Variants in RAI1 observed in about 807,000 individuals in gnomAD.
The protein encoded by RAI1 is retinoic acid induced 1.
Under a neutral mutation model 123.8 loss-of-function variants are expected in RAI1, and 9 were observed. That is an observed-to-expected ratio of 0.07 (90% CI 0.04 to 0.13). The LOEUF (loss-of-function observed/expected upper bound fraction) is 0.13. RAI1 is among the 10% of genes least tolerant of loss of function. The pLI is 1.00. For missense variants in RAI1, 2,256 were observed against 2,545.8 expected, an observed-to-expected ratio of 0.89 and a Z score of 2.45; for synonymous variants, 1,231 against 1,127.3, an observed-to-expected ratio of 1.09 and a Z score of -1.84.
chr17:17,805,097 G>C (rs996059024), intron 4 of RAI1, among the ~76,000 whole-genome samples: 1 of 152,066 alleles, frequency 6.6e-6, no homozygotes, highest in Non-Finnish European at 1.5e-5. Flanking sequence ...TCTTGACCTC[G>C]TGATCCGCCC....
At chr17:17,682,183 G>T (rs998500158) in intron 1 of RAI1, among the ~76,000 whole-genome samples, 1 of 151,976 alleles carries the variant, frequency 6.6e-6, no homozygotes, top group African/African-American at 2.4e-5. Context: ...GCGGGGCGCC[G>T]GGGGCGGAGG....
chr17:17,694,472 GCCT>G (rs1468460733), intron 1 of RAI1, among the ~76,000 whole-genome samples: 2 of 152,222 alleles, frequency 1.3e-5, no homozygotes, highest in African/African-American at 4.8e-5. Context: ...GAGGGCCCGG[GCCT>G]CGAGGAAAGG....
intron 2 of RAI1, chr17:17,776,877 C>G (rs576076429): frequency 1.3e-5 from 2 of 152,018 alleles, no homozygotes; most frequent in African/African-American, 4.8e-5. Context: ...GTTACCCAGG[C>G]TGGTCTCAAA....
At chr17:17,774,785 G>A (rs2031279186) in intron 2 of RAI1, among the ~76,000 whole-genome samples, 1 of 152,224 alleles carries the variant, frequency 6.6e-6, no homozygotes, top group African/African-American at 2.4e-5. Flanking sequence ...CCCAGCATTG[G>A]TCTGGCAGCT....
intron 2 of RAI1, among the ~76,000 whole-genome samples, chr17:17,791,464 T>G (rs1287882182): frequency 6.6e-6 from 1 of 152,062 alleles, no homozygotes; most frequent in Non-Finnish European, 1.5e-5. Context: ...TCCCTCTCTG[T>G]GCCCCTCTCC....
chr17:17,778,342 A>T (rs2031428041), intron 2 of RAI1: 1 of 232,506 alleles, frequency 4.3e-6, no homozygotes, highest in Non-Finnish European at 8.6e-6. Context: ...GCTCCCCATG[A>T]ACTGGTGGCC....
rs534277793 is a variant in RAI1, at chr17:17,761,322, G to A, written c.-16-31611G>A. Among the ~76,000 whole-genome samples, 67 of 151,870 alleles carry A rather than the reference G, an allele frequency of 4.4e-4. 3 individuals are homozygous for A. In the East Asian group the frequency reaches 0.012, roughly 26 times the overall value. On this transcript the variant is annotated intron_variant, in intron 2 of 5. Coordinates refer to ENST00000353383, the MANE Select transcript of RAI1 (RefSeq NM_030665.4). ...TTCCTCACTGGTCTCTTAGGTTCCT[G>A]GCACACATGCAGCCACCAGATTGAG...
chr17:17,729,618 CAAG>C (rs1052929477), intron 2 of RAI1, among the ~76,000 whole-genome samples: 110 of 152,216 alleles, frequency 7.2e-4, no homozygotes, highest in African/African-American at 2.6e-3. Flanking sequence ...AGAGGACTGA[CAAG>C]AGAGTAAGGA....
intron 1 of RAI1, among the ~76,000 whole-genome samples, chr17:17,719,059 T>C (rs1322885603): frequency 6.6e-6 from 1 of 152,110 alleles, no homozygotes; most frequent in Non-Finnish European, 1.5e-5. Flanking sequence ...TCCGACCCCT[T>C]CTCATCGGCC....
chr17:17,753,456 G>A (rs551566019), intron 2 of RAI1, among the ~76,000 whole-genome samples: 2 of 152,324 alleles, frequency 1.3e-5, no homozygotes, highest in East Asian at 3.9e-4. Flanking sequence ...TCGGCTTCAC[G>A]GTTATACATG....
chr17:17,711,406 C>T (rs1284062631), intron 1 of RAI1, among the ~76,000 whole-genome samples: 23 of 152,202 alleles, frequency 1.5e-4, no homozygotes, highest in Admixed American at 1.5e-3. Flanking sequence ...GTGCCCTGTC[C>T]CCCAGGTCCT....
chr17:17,783,250 G>C (rs1356874691), intron 2 of RAI1, among the ~76,000 whole-genome samples: 1 of 152,092 alleles, frequency 6.6e-6, no homozygotes, highest in Non-Finnish European at 1.5e-5. Context: ...TGGGCGCGGG[G>C]ACGGGGGGGC....
Position 17,795,122 on chromosome 17 carries a change from C to G in RAI1, c.2174C>G (p.Ala725Gly). 2 of 1,614,086 alleles carry G rather than the reference C, an allele frequency of 1.2e-6. No individual in the cohort carries two copies. Among genetic ancestry groups the G allele is most frequent in the Non-Finnish European group, 1.7e-6 (2 of 1,180,018 alleles). ...CCTGCTCCAGACCCCACTACAGCAG[C>G]TTTTGACTGTTTCCCGGACACAACC... ...GVPAPDPTTA[A>G]FDCFPDTTAA... Residue 725 changes from alanine (A) to glycine (G), a missense_variant, in exon 3 of 6, where the codon GCT becomes GGT. Physicochemically the swap from Ala to Gly is moderately conservative, Grantham distance 60. Coordinates refer to ENST00000353383, the MANE Select transcript of RAI1 (RefSeq NM_030665.4). This position sits in a 1 kb window ranked among gnomAD's most constrained non-coding sequence, Gnocchi z 5.9.
chr17:17,703,912 C>T (rs1915312376), intron 1 of RAI1, among the ~76,000 whole-genome samples: 1 of 152,236 alleles, frequency 6.6e-6, no homozygotes, highest in Non-Finnish European at 1.5e-5. Flanking sequence ...CTTCAGAGGT[C>T]CTGGCTGGGG....
In RAI1 at chr17:17,803,780, G is replaced by A. The variant is rs762253470; in HGVS notation, c.5590G>A (p.Gly1864Arg). The change falls in exon 4 of 6, where the codon GGG becomes AGG. Residue 1864 changes from glycine (G) to arginine (R), a missense_variant. This residue lies in a region of RAI1 where 243 missense variants were observed against 316.6 expected (regional missense o/e 0.77). Transcript: ENST00000353383. ...GATGTGTTCCAGCTGCCAAGAAGCCGGGGCCACCATTGGGTGCTGCCACAA... is the reference window on the plus strand; with the variant it reads ...GATGTGTTCCAGCTGCCAAGAAGCCAGGGCCACCATTGGGTGCTGCCACAA... Reference protein sequence around the residue: ...DMMCSSCQEAGATIGCCHKGC... With the variant: ...DMMCSSCQEARATIGCCHKGC... 2.3e-5 allele frequency: 37 copies of A among 1,613,222 alleles called. No homozygotes were observed. The South Asian group carries it at 2.7e-4, about 12-fold the overall frequency.
chr17:17,793,135 G>A lies in RAI1; in HGVS notation c.187G>A (p.Ala63Thr), dbSNP rs758424396. ...GCCTTACCCGAGCTATGAGGGTGGCGCTGGCACGCCCTCTGGCACTGCAGC... is the reference window on the plus strand; with the variant it reads ...GCCTTACCCGAGCTATGAGGGTGGCACTGGCACGCCCTCTGGCACTGCAGC... ...PQPYPSYEGG[A>T]GTPSGTAAAV... Residue 63 changes from alanine (A) to threonine (T), a missense_variant, in exon 3 of 6, where the codon GCT becomes ACT. Physicochemically the swap from Ala to Thr is moderately conservative, Grantham distance 58. Coordinates refer to ENST00000353383, the MANE Select transcript of RAI1 (RefSeq NM_030665.4). 63 of 1,613,708 alleles carry A rather than the reference G, an allele frequency of 3.9e-5. No homozygotes were observed. In the Admixed American group the frequency reaches 5.8e-4, roughly 15 times the overall value.
intron 4 of RAI1, among the ~76,000 whole-genome samples, chr17:17,808,777 C>G (rs2032648573): frequency 1.3e-5 from 2 of 152,190 alleles, no homozygotes; most frequent in African/African-American, 4.8e-5. Context: ...CATCCTCAAT[C>G]TCCATGATAG....
chr17:17,810,185 C>A lies in RAI1; in HGVS notation c.*204C>A. 2.8e-6 allele frequency: 2 copies of A among 710,134 alleles called. No individual in the cohort carries two copies. Among genetic ancestry groups the A allele is most frequent in the Non-Finnish European group, 4.5e-6 (2 of 449,264 alleles). 44.0% of individuals were successfully genotyped at this position (710,134 alleles called of 1,614,324 possible). A position where few individuals can be genotyped will look rare whatever the true frequency, so the allele number is the denominator to read the frequency against. ...CCCGGGTTGGGAGGAAAACCCGTTC[C>A]GGAGCCGCCTGCTCCCGGAACCGGA... is the stretch of plus-strand genomic sequence containing the variant. On this transcript the variant is annotated 3_prime_UTR_variant, in exon 6 of 6. Transcript: ENST00000353383. This position sits in a 1 kb window ranked among gnomAD's most constrained non-coding sequence, Gnocchi z 4.6.
intron 2 of RAI1, chr17:17,779,427 C>T (rs1208242219): frequency 6.3e-6 from 1 of 158,560 alleles, no homozygotes; most frequent in African/African-American, 2.4e-5. Flanking sequence ...CCCCACAGTT[C>T]CCTGTCTTGA....
Sources: gnomAD v4.1 joint callset for allele counts (sites outside exome capture counted in the v4.1 genomes callset) on GRCh38, gnomAD v4.1.1 for gene constraint, gnomAD v4.1.1 regional missense constraint, Gnocchi (gnomAD v3.1) non-coding constraint, MANE v1.5 for transcripts, NCBI Gene and HGNC (gene_info 2026-07-23, HGNC 2026-07-21) for gene names.